ATP5F1A: variants seen among roughly 807,000 people sequenced by gnomAD.
ATP5F1A encodes the protein ATP synthase F1 subunit alpha.
ATP5F1A carries 24 observed loss-of-function variants against 57.4 expected under a neutral mutation model. The ratio of observed to expected loss-of-function variants is 0.42; its 90% CI spans 0.30 to 0.59. The LOEUF is 0.59. ATP5F1A is among the 20% of genes least tolerant of loss of function. The pLI is 0.19. For missense variants in ATP5F1A, 494 were observed against 707.9 expected, an observed-to-expected ratio of 0.70 and a Z score of 3.43; for synonymous variants, 251 against 255.5, an observed-to-expected ratio of 0.98 and a Z score of 0.17.
upstream of ATP5F1A, among the ~76,000 whole-genome samples, chr18:46,101,339 C>A (rs1408030101): frequency 6.8e-6 from 1 of 147,928 alleles, no homozygotes; most frequent in Non-Finnish European, 1.5e-5. Flanking sequence ...CCAAGGCAGG[C>A]AGATCGCCTG....
In ATP5F1A at chr18:46,087,490, C is replaced by T; in HGVS notation, c.802G>A (p.Ala268Thr). ...QLVKRLTDAD[A>T]MKYTIVVSAT... ...GACACCACAATGGTGTACTTCATGGCATCTGAGAAAATATATTTTACAATT... is the reference window on the plus strand; with the variant it reads ...GACACCACAATGGTGTACTTCATGGTATCTGAGAAAATATATTTTACAATT... Residue 268 changes from alanine to threonine, a missense_variant and splice_region_variant, in exon 7 of 12, where the codon GCC becomes ACC. By Grantham distance (58) the Ala-to-Thr change is moderately conservative. Coordinates refer to ENST00000398752, the MANE Select transcript of ATP5F1A (RefSeq NM_004046.6). 2 of 1,610,660 alleles carry T rather than the reference C, an allele frequency of 1.2e-6. No homozygotes were observed. The highest frequency in any genetic ancestry group is 1.7e-6 in the Non-Finnish European group (2 of 1,179,274).
At chr18:46,098,362 A>AACCCCCCCCCCCCCCCCCC (rs1555696620), upstream of ATP5F1A, 1 of 1,192,938 alleles carries the variant, frequency 8.4e-7, no homozygotes, top group African/African-American at 1.6e-5. Flanking sequence ...CCTCGCGTTC[A>AACCCCCCCCCCCCCCCCCC]CCACCTCTCC....
intron 5 of ATP5F1A, 165 bp downstream of exon 5, chr18:46,089,401 G>T: frequency 1.3e-6 from 1 of 761,104 alleles, no homozygotes; most frequent in Non-Finnish European, 2.1e-6. Context: ...AATACCCACA[G>T]GTGTGGAGGG....
intron 1 of ATP5F1A, among the ~76,000 whole-genome samples, chr18:46,097,273 C>A (rs1217608599): frequency 3.3e-5 from 5 of 152,012 alleles, no homozygotes; most frequent in Non-Finnish European, 7.4e-5. Context: ...AAACAGCCAA[C>A]ATGTTTATTT....
chr18:46,103,975 C>G (rs986581934), intron 1 of ATP5F1A, among the ~76,000 whole-genome samples: 3 of 152,120 alleles, frequency 2.0e-5, no homozygotes, highest in African/African-American at 7.2e-5. Context: ...TTAAGATTGC[C>G]TCAGCTCATA....
Position 46,086,211 on chromosome 18 carries a change from G to A in ATP5F1A, c.1331C>T (p.Ala444Val). Residue 444 changes from alanine (A) to valine (V), a missense_variant, in exon 10 of 12, where the codon GCT (alanine) becomes GTT (valine). Physicochemically the swap from Ala to Val is moderately conservative, Grantham distance 64. Coordinates refer to ENST00000398752, the MANE Select transcript of ATP5F1A (RefSeq NM_004046.6). ...GTCAGAACCGAACTGGGCAAAAGCAGCAACCTCACGATACTGAGCCAATTC... is the reference window on the plus strand; with the variant it reads ...GTCAGAACCGAACTGGGCAAAAGCAACAACCTCACGATACTGAGCCAATTC... ...KLELAQYREV[A>V]AFAQFGSDLD... The A allele has an allele frequency of 1.2e-6, 2 of 1,613,102 alleles. No individual in the cohort carries two copies. Among genetic ancestry groups the A allele is most frequent in the East Asian group, 2.2e-5 (1 of 44,882 alleles).
chr18:46,091,115 C>T (rs1910523146), intron 3 of ATP5F1A, among the ~76,000 whole-genome samples: 1 of 152,214 alleles, frequency 6.6e-6, no homozygotes, highest in Admixed American at 6.5e-5. Flanking sequence ...CCCATATCTG[C>T]ATGCCTACTA....
At chr18:46,096,825 C>G (rs1910993193) in intron 1 of ATP5F1A, among the ~76,000 whole-genome samples, 1 of 150,856 alleles carries the variant, frequency 6.6e-6, no homozygotes, top group African/African-American at 2.4e-5. Flanking sequence ...CTACGAAAAA[C>G]TACAAAAAGT....
At chr18:46,100,368 T>A (rs1210103175), upstream of ATP5F1A, among the ~76,000 whole-genome samples, 2 of 152,042 alleles carry the variant, frequency 1.3e-5, no homozygotes, top group Non-Finnish European at 2.9e-5. Context: ...AAGCAATAAT[T>A]GCCATTCAGG....
rs1354918889 is a variant in ATP5F1A, at chr18:46,081,696, A to C, written c.*2586T>G. 6.7e-6 allele frequency: 1 copy of C among 148,484 alleles called. No homozygotes were observed. The highest frequency in any genetic ancestry group is 1.5e-5 in the Non-Finnish European group (1 of 67,436). 9.2% of individuals were successfully genotyped at this position (148,484 alleles called of 1,614,324 possible). A position where few individuals can be genotyped will look rare whatever the true frequency, so the allele number is the denominator to read the frequency against. ...AACAAAAAAAAAAAAAAAAAAAAAA[A>C]ACGAAATGTGCAGAACCTTCTAACT... On this transcript the variant is annotated 3_prime_UTR_variant, in exon 12 of 12. Coordinates refer to ENST00000398752, the MANE Select transcript of ATP5F1A (RefSeq NM_004046.6).
chr18:46,091,875 T>C, intron 2 of ATP5F1A, 24 bp from the exon 3 acceptor site: 3 of 1,595,908 alleles, frequency 1.9e-6, no homozygotes, highest in South Asian at 2.3e-5. Flanking sequence ...TTCAATTCAA[T>C]TAAAAAAATA....
At chr18:46,084,827 T>C (rs2144169373) in intron 10 of ATP5F1A, 173 bp from the exon 11 acceptor site, 1 of 597,912 alleles carries the variant, frequency 1.7e-6, no homozygotes, top group Non-Finnish European at 2.7e-6. Flanking sequence ...CTCCCACCCC[T>C]GACAGAAAAC....
chr18:46,089,457 G>A (rs1056590191), intron 5 of ATP5F1A, 109 bp downstream of exon 5: 16 of 1,282,308 alleles, frequency 1.2e-5, no homozygotes, highest in African/African-American at 6.0e-5. Context: ...ATTAATCCTC[G>A]TATTAGATTC....
At chr18:46,102,197 A>T (rs1025027411), upstream of ATP5F1A, among the ~76,000 whole-genome samples, 1 of 151,760 alleles carries the variant, frequency 6.6e-6, no homozygotes, top group Admixed American at 6.6e-5. Flanking sequence ...AATTGCAGGG[A>T]TATTTTGTAA....
At chr18:46,087,967 TTG>T (rs1379976656) in intron 6 of ATP5F1A, 140 bp downstream of exon 6, 1 of 844,718 alleles carries the variant, frequency 1.2e-6, no homozygotes, top group African/African-American at 1.7e-5. Flanking sequence ...CTGTTTTACA[TTG>T]TCTTACCTAC....
chr18:46,087,368 C>CA lies in ATP5F1A; in HGVS notation c.923dup (p.Leu308PhefsTer5). 1.9e-6 allele frequency: 3 copies of CA among 1,614,074 alleles called. No homozygotes were observed. Among genetic ancestry groups the CA allele is most frequent in the Non-Finnish European group, 2.5e-6 (3 of 1,180,022 alleles). Reference sequence around the variant, plus strand: ...GTTTGGATAAGTCGTCATAGATGATCAAAGCATGTTTGCCATTGTCTCTAA... The same window carrying CA: ...GTTTGGATAAGTCGTCATAGATGATCAAAAGCATGTTTGCCATTGTCTCTAA... On this transcript the variant is annotated frameshift_variant, in exon 7 of 12. Coordinates refer to ENST00000398752, the MANE Select transcript of ATP5F1A (RefSeq NM_004046.6). LOFTEE classifies it high-confidence loss of function.
intron 6 of ATP5F1A, 137 bp from the exon 7 acceptor site, chr18:46,087,629 C>T (rs1910216580): frequency 9.6e-7 from 1 of 1,044,832 alleles, no homozygotes; most frequent in South Asian, 1.7e-5. Flanking sequence ...CCTGTAATCC[C>T]AGCACTTTGG....
chr18:46,086,008 T>TAAC (rs1212989814), intron 10 of ATP5F1A, 105 bp downstream of exon 10: 1 of 1,231,528 alleles, frequency 8.1e-7, no homozygotes, highest in Non-Finnish European at 1.1e-6. Flanking sequence ...AGATAACAGA[T>TAAC]AACAACACGT....
chr18:46,091,867 C>T lies in ATP5F1A; in HGVS notation c.140-16G>A. 6.3e-7 allele frequency: 1 copy of T among 1,599,292 alleles called. No homozygotes were observed. Among genetic ancestry groups the T allele is most frequent in the Non-Finnish European group, 8.5e-7 (1 of 1,174,932 alleles). On this transcript the variant is annotated splice_polypyrimidine_tract_variant and intron_variant, in intron 2 of 11. Coordinates refer to ENST00000398752, the MANE Select transcript of ATP5F1A (RefSeq NM_004046.6). ...TCAGCAGTCCCTATGGAAGACAATT[C>T]AATTCAATTAAAAAAATAATCTGGG...
Sources: gnomAD v4.1 joint callset for allele counts (sites outside exome capture counted in the v4.1 genomes callset) on GRCh38, gnomAD v4.1.1 for gene constraint, MANE v1.5 for transcripts, NCBI Gene and HGNC (gene_info 2026-07-23, HGNC 2026-07-21) for gene names.